STAG1: variants seen among roughly 807,000 people sequenced by gnomAD.
STAG1 encodes the protein STAG1 cohesin complex component.
Under a neutral mutation model 170.9 loss-of-function variants are expected in STAG1, and 26 were observed. The ratio of observed to expected loss-of-function variants is 0.15; its 90% CI spans 0.11 to 0.21. The LOEUF is 0.21. Among genes scored for constraint, STAG1 ranks in the 10% least tolerant of loss-of-function variants. The pLI is 1.00. For missense variants in STAG1, 964 were observed against 1,509.5 expected (o/e 0.64, Z 5.99); for synonymous variants, 514 against 497.7 (o/e 1.03, Z -0.44).
At chr3:136,737,836 G>A (rs551219478) in intron 1 of STAG1, among the ~76,000 whole-genome samples, 81 of 152,112 alleles carry the variant, frequency 5.3e-4, no homozygotes, top group African/African-American at 9.6e-4. Flanking sequence ...TTGGGAGGCC[G>A]AGGCGGGCGG....
chr3:136,548,705 T>G (rs575071739), intron 5 of STAG1, among the ~76,000 whole-genome samples: 2 of 152,256 alleles, frequency 1.3e-5, no homozygotes, highest in Non-Finnish European at 2.9e-5. Flanking sequence ...TTCATCAATG[T>G]TTTGTTGTTT....
intron 15 of STAG1, among the ~76,000 whole-genome samples, chr3:136,439,604 TA>T (rs1029986803): frequency 2.0e-5 from 3 of 151,926 alleles, no homozygotes; most frequent in Admixed American, 6.6e-5. Flanking sequence ...AAAATTACTT[TA>T]AAAAAAAGTT....
At chr3:136,741,345 A>G (rs961946159) in intron 1 of STAG1, among the ~76,000 whole-genome samples, 1 of 152,260 alleles carries the variant, frequency 6.6e-6, no homozygotes, top group Non-Finnish European at 1.5e-5. Context: ...CCATTAAACT[A>G]TGCCAAGTTA....
intron 28 of STAG1, among the ~76,000 whole-genome samples, chr3:136,352,955 A>G (rs1936491489): frequency 6.6e-6 from 1 of 152,252 alleles, no homozygotes; most frequent in Admixed American, 6.5e-5. Context: ...TCAAAGAACT[A>G]AAGAAAATCA....
intron 5 of STAG1, among the ~76,000 whole-genome samples, chr3:136,563,144 CAA>C (rs1473571310): frequency 1.3e-5 from 2 of 152,130 alleles, no homozygotes; most frequent in Non-Finnish European, 1.5e-5. Flanking sequence ...TTCTACATTG[CAA>C]AGTTTCTATT....
At chr3:136,437,559 T>C (rs868336813) in intron 15 of STAG1, among the ~76,000 whole-genome samples, 3 of 152,330 alleles carry the variant, frequency 2.0e-5, no homozygotes, top group Middle Eastern at 3.4e-3. Context: ...TCTTATCACC[T>C]TGAACTCTGG....
At chr3:136,696,391 A>G (rs1032164455) in intron 1 of STAG1, among the ~76,000 whole-genome samples, 1 of 152,208 alleles carries the variant, frequency 6.6e-6, no homozygotes, top group Non-Finnish European at 1.5e-5. Context: ...CAATTTGTAT[A>G]AATGATTTTC....
chr3:136,719,687 G>GTGGA (rs1217789868), intron 1 of STAG1, among the ~76,000 whole-genome samples: 25 of 124,926 alleles, frequency 2.0e-4, no homozygotes, highest in South Asian at 2.9e-4. Context: ...GGGTGGGTGG[G>GTGGA]TGGATGGATG....
At chr3:136,376,144 C>T (rs992451885) in intron 23 of STAG1, among the ~76,000 whole-genome samples, 1 of 146,256 alleles carries the variant, frequency 6.8e-6, no homozygotes, top group Non-Finnish European at 1.5e-5. Flanking sequence ...TCTCTGTTTC[C>T]ATTTTAAGTT....
At chr3:136,460,021 T>C (rs889475966) in intron 13 of STAG1, among the ~76,000 whole-genome samples, 16 of 151,628 alleles carry the variant, frequency 1.1e-4, no homozygotes, top group African/African-American at 3.9e-4. Context: ...AGGAAAGGAA[T>C]AATAAAGATC....
chr3:136,650,737 A>C (rs1204652723), intron 1 of STAG1, among the ~76,000 whole-genome samples: 6 of 152,180 alleles, frequency 3.9e-5, no homozygotes, highest in Non-Finnish European at 5.9e-5. Flanking sequence ...TAAAGCTCTT[A>C]TGATAGTACT....
At chr3:136,558,176 G>A (rs559825402) in intron 5 of STAG1, among the ~76,000 whole-genome samples, 2 of 152,212 alleles carry the variant, frequency 1.3e-5, no homozygotes, top group East Asian at 1.9e-4. Flanking sequence ...CAGGTCACCT[G>A]AGGTCGGGAG....
intron 28 of STAG1, among the ~76,000 whole-genome samples, chr3:136,352,163 T>C (rs912571218): frequency 6.6e-6 from 1 of 152,144 alleles, no homozygotes; most frequent in Non-Finnish European, 1.5e-5. Flanking sequence ...TTGTTCTTTT[T>C]ATTTATTTAT....
chr3:136,691,264 C>T (rs1942712994), intron 1 of STAG1, among the ~76,000 whole-genome samples: 1 of 151,888 alleles, frequency 6.6e-6, no homozygotes, highest in African/African-American at 2.4e-5. Context: ...TGAAACCCCA[C>T]CTCTACTAAA....
intron 6 of STAG1, among the ~76,000 whole-genome samples, chr3:136,526,163 G>A (rs902557431): frequency 1.3e-5 from 2 of 152,100 alleles, no homozygotes; most frequent in African/African-American, 4.8e-5. Context: ...TTAACTTTCT[G>A]TCTCATCGAT....
chr3:136,567,040 G>A (rs1937101385), intron 5 of STAG1, among the ~76,000 whole-genome samples: 1 of 152,188 alleles, frequency 6.6e-6, no homozygotes, highest in Non-Finnish European at 1.5e-5. Context: ...AGACAGTTAA[G>A]TTCAACAAAC....
At chr3:136,669,545 G>A (rs1239383149) in intron 1 of STAG1, among the ~76,000 whole-genome samples, 1 of 151,918 alleles carries the variant, frequency 6.6e-6, no homozygotes, top group East Asian at 1.9e-4. Flanking sequence ...TTTTTGTAGA[G>A]ATAGGGTCTC....
intron 27 of STAG1, among the ~76,000 whole-genome samples, 176 bp from the exon 28 acceptor site, chr3:136,358,024 T>A (rs1439528591): frequency 6.6e-6 from 1 of 151,620 alleles, no homozygotes; most frequent in Non-Finnish European, 1.5e-5. Flanking sequence ...ATATTTATAG[T>A]ATGAAACTGT....
intron 1 of STAG1, among the ~76,000 whole-genome samples, chr3:136,656,609 GTATT>G (rs797019823): frequency 7.1e-6 from 1 of 139,972 alleles, no homozygotes; most frequent in South Asian, 2.3e-4. Flanking sequence ...TGTGCTCTCT[GTATT>G]TATTTGTGTG....
Sources: gnomAD v4.1 joint callset for allele counts (sites outside exome capture counted in the v4.1 genomes callset) on GRCh38, gnomAD v4.1.1 for gene constraint, MANE v1.5 for transcripts, NCBI Gene and HGNC (gene_info 2026-07-23, HGNC 2026-07-21) for gene names.